The following MACF1 variants were observed in gnomAD, a reference collection of about 807,000 sequenced individuals.
The protein encoded by MACF1 is microtubule actin crosslinking factor 1, also known as microtubule-actin cross-linking factor 1.
Under a neutral mutation model 854.8 loss-of-function variants are expected in MACF1, and 193 were observed. The observed-to-expected ratio is 0.23, with a 90% CI of 0.20 to 0.25. The LOEUF (loss-of-function observed/expected upper bound fraction) is 0.25. Among genes scored for constraint, MACF1 ranks in the 10% least tolerant of loss-of-function variants. MACF1 has a pLI of 1.00. For missense variants in MACF1, 7,722 were observed against 8,929.1 expected, an observed-to-expected ratio of 0.86 and a Z score of 5.45; for synonymous variants, 3,185 against 3,226.7, an observed-to-expected ratio of 0.99 and a Z score of 0.44.
intron 2 of MACF1, among the ~76,000 whole-genome samples, chr1:39,178,881 A>G (rs544565693): frequency 2.0e-5 from 3 of 152,310 alleles, no homozygotes; most frequent in East Asian, 1.9e-4. Context: ...ATGCGTATTG[A>G]AAGTTTCTTT....
At position 39,295,852 on chromosome 1, in the gene MACF1, G is replaced by A. The variant is rs2148405837; in HGVS notation, c.2325G>A (p.Gln775=). 2 of 1,614,098 alleles carry A rather than the reference G, an allele frequency of 1.2e-6. No homozygotes were observed. The highest frequency in any genetic ancestry group is 1.7e-6 in the Non-Finnish European group (2 of 1,179,990). Residue 775 remains glutamine (Q), a synonymous_variant, in exon 20 of 101, where the codon CAG becomes CAA. Transcript: ENST00000564288. ...AGCAGCTGTGCCTGTGTGTTGAGCA[G>A]CATGTGAAAGAGAATACTGCTTATT... is the stretch of plus-strand genomic sequence containing the variant. ...WMKQLCLCVE[Q]HVKENTAYFQ...
chr1:39,192,955 CA>C (rs1488639015), intron 2 of MACF1, among the ~76,000 whole-genome samples: 1 of 151,922 alleles, frequency 6.6e-6, no homozygotes, highest in African/African-American at 2.4e-5. Context: ...ACCAAAAATA[CA>C]AAAAAATTAG....
Position 39,460,814 on chromosome 1 carries a change from C to T in MACF1, c.21523+20C>T. 6.2e-7 allele frequency: 1 copy of T among 1,613,222 alleles called. No homozygotes were observed. Among genetic ancestry groups the T allele is most frequent in the Non-Finnish European group, 8.5e-7 (1 of 1,179,272 alleles). On this transcript the variant is annotated intron_variant, in intron 92 of 100. Coordinates refer to ENST00000564288, the MANE Select transcript of MACF1 (RefSeq NM_001394062.1). The surrounding 1 kb of genome is among the most constrained non-coding windows in gnomAD (Gnocchi z 4.1). ...CATCCAGTGAGTCTAGTCATCATTC[C>T]AAACATGGGTCACACCTGGATTCCT...
intron 17 of MACF1, 67 bp from the exon 18 acceptor site, chr1:39,293,391 T>A: frequency 7.5e-7 from 1 of 1,325,332 alleles, no homozygotes; most frequent in Admixed American, 2.3e-5. Flanking sequence ...TCCTTTGATG[T>A]CAAATGTGCT....
At chr1:39,180,332 T>C (rs146612227) in intron 2 of MACF1, among the ~76,000 whole-genome samples, 1 of 152,084 alleles carries the variant, frequency 6.6e-6, no homozygotes, top group East Asian at 1.9e-4. Context: ...AAAGGAGATA[T>C]AGGCCAGGCA....
chr1:39,154,691 T>C (rs1204762156), intron 2 of MACF1, among the ~76,000 whole-genome samples: 2 of 152,034 alleles, frequency 1.3e-5, no homozygotes, highest in East Asian at 3.9e-4. Context: ...ACCTGACTCA[T>C]CTGGGCTCTG....
rs1248398001 is a variant in MACF1 at position 39,442,160 on chromosome 1, A to G, written c.18788A>G (p.Glu6263Gly). 6.3e-7 allele frequency: 1 copy of G among 1,591,602 alleles called. No homozygotes were observed. Among genetic ancestry groups the G allele is most frequent in the East Asian group, 2.2e-5 (1 of 44,736 alleles). ...QLNEMKEFKVEVYQQQIEMEK... is the reference protein window; with the variant it reads ...QLNEMKEFKVGVYQQQIEMEK... ...TGTCTTTGACAGGAGTTCAAAGTAG[A>G]AGTTTACCAACAGCAAATTGAGATG... Residue 6263 changes from glutamate (E) to glycine (G), a missense_variant, in exon 76 of 101, where the codon GAA becomes GGA. Physicochemically the swap from Glu to Gly is moderately conservative, Grantham distance 98 (BLOSUM62 -2). Around this residue, in one of 15 missense-constraint regions of MACF1, gnomAD observed 2,807 missense variants for 3,235.8 expected, o/e 0.87. Transcript: ENST00000564288.
chr1:39,457,446 C>G (rs1037847037), intron 89 of MACF1: 1 of 152,490 alleles, frequency 6.6e-6, no homozygotes, highest in Non-Finnish European at 1.5e-5. Context: ...CTAGCCACTC[C>G]CCATCCCACA....
In MACF1 at chr1:39,440,111, C is replaced by CTT. The variant is rs774399403; in HGVS notation, c.18447+628_18447+629dup. Among the ~76,000 whole-genome samples, 451 of 64,486 alleles carry CTT rather than the reference C, an allele frequency of 7.0e-3. 17 individuals carry two copies. Among genetic ancestry groups the CTT allele is most frequent in the Non-Finnish European group, 0.011 (370 of 32,416 alleles). The allele number at this position is 64,486 out of a possible 152,430, so 42.3% of individuals were successfully genotyped here. A position where few individuals can be genotyped will look rare whatever the true frequency, so the allele number is the denominator to read the frequency against. On this transcript the variant is annotated intron_variant, in intron 72 of 100. Transcript: ENST00000564288. The stretch of plus-strand genomic sequence containing the variant: ...CTTTTCTTTTCTTTTCTTTTCTTTT[C>CTT]TTTTTTTTTTTTTTTTTTGGAGACA...
rs915269809 is a variant in MACF1, at chr1:39,430,045, C to A, written c.17107C>A (p.Pro5703Thr). ...ACAGTCTCCCACAGGGGAACAGATA[C>A]CCCAGTTTCAGCAGAGACAGAAGGT... ...GGQSPTGEQI[P>T]QFQQRQKELK... Residue 5703 changes from proline to threonine, a missense_variant, in exon 65 of 101, where the codon CCC (proline) becomes ACC (threonine). Around this residue, in one of 15 missense-constraint regions of MACF1, gnomAD observed 2,807 missense variants for 3,235.8 expected, o/e 0.87. Coordinates refer to ENST00000564288, the MANE Select transcript of MACF1 (RefSeq NM_001394062.1). The A allele has an allele frequency of 6.2e-7, 1 of 1,613,666 alleles. No homozygotes were observed. Among genetic ancestry groups the A allele is most frequent in the African/African-American group, 1.3e-5 (1 of 74,878 alleles).
At chr1:39,400,179 T>C (rs892526918) in intron 58 of MACF1, among the ~76,000 whole-genome samples, 10 of 152,198 alleles carry the variant, frequency 6.6e-5, no homozygotes, top group African/African-American at 2.4e-4. Context: ...AGTTGACAGT[T>C]TGGTGTAGTG....
At chr1:39,128,217 A>T (rs923499593) in intron 2 of MACF1, among the ~76,000 whole-genome samples, 2 of 147,154 alleles carry the variant, frequency 1.4e-5, no homozygotes, top group Non-Finnish European at 3.0e-5. Context: ...TTTATTTTTT[A>T]TTTTTTTTTT....
At chr1:39,302,281 A>G (rs1646064337) in intron 22 of MACF1, among the ~76,000 whole-genome samples, 1 of 152,218 alleles carries the variant, frequency 6.6e-6, no homozygotes. Context: ...TATAGGTGTG[A>G]GCTGCTGTGC....
chr1:39,172,148 C>T (rs975675693), intron 2 of MACF1, among the ~76,000 whole-genome samples: 2 of 152,120 alleles, frequency 1.3e-5, no homozygotes, highest in Non-Finnish European at 2.9e-5. Flanking sequence ...TGTTATCCAG[C>T]TCTGTGGGAG....
In MACF1 at chr1:39,388,443, G is replaced by C. The variant is rs1375837076; in HGVS notation, c.15601G>C (p.Glu5201Gln). The change falls in exon 58 of 101, where the codon GAG becomes CAG. Residue 5201 changes from glutamate to glutamine, a missense_variant. Glu to Gln is a conservative substitution (Grantham distance 29). Around this residue, in one of 15 missense-constraint regions of MACF1, gnomAD observed 2,807 missense variants for 3,235.8 expected, o/e 0.87. Transcript: ENST00000564288. ...GTLDLLGLKR[E>Q]LEALNKQCGK... ...TCTGGATTTGTTAGGTCTCAAAAGG[G>C]AGCTAGAAGCCCTGAACAAACAGTG... 1 of 1,614,098 alleles carries C rather than the reference G, an allele frequency of 6.2e-7. No homozygotes were observed. The highest frequency in any genetic ancestry group is 1.1e-5 in the South Asian group (1 of 91,082).
intron 1 of MACF1, among the ~76,000 whole-genome samples, chr1:39,214,298 G>A (rs538399744): frequency 2.6e-5 from 4 of 152,210 alleles, no homozygotes; most frequent in African/African-American, 4.8e-5. Context: ...GAACTGTGAA[G>A]AACCAATAGA....
chr1:39,219,550 A>G (rs1048380350), intron 1 of MACF1, among the ~76,000 whole-genome samples: 2 of 152,218 alleles, frequency 1.3e-5, no homozygotes, highest in African/African-American at 4.8e-5. Flanking sequence ...GAGGATAGCA[A>G]TCATTTATAA....
rs535763850 is a variant in MACF1 at position 39,328,842 on chromosome 1, A to G, written c.4614+1489A>G. ...TTTCCCAGCTGAGTATTTCCTGCCT[A>G]TCCTTCAATTATATGAGGGTGTTGG... On this transcript the variant is annotated intron_variant, in intron 36 of 100. Coordinates refer to ENST00000564288, the MANE Select transcript of MACF1 (RefSeq NM_001394062.1). The G allele has an allele frequency of 3.9e-5, 6 of 152,288 alleles. No homozygotes were observed. In the East Asian group the frequency reaches 1.2e-3, roughly 29 times the overall value. 9.4% of individuals were successfully genotyped at this position (152,288 alleles called of 1,614,324 possible). A position where few individuals can be genotyped will look rare whatever the true frequency, so the allele number is the denominator to read the frequency against.
intron 52 of MACF1, among the ~76,000 whole-genome samples, chr1:39,377,210 C>T (rs965889191): frequency 2.6e-5 from 4 of 151,820 alleles, no homozygotes; most frequent in Non-Finnish European, 4.4e-5. Context: ...GGGGTTTCAC[C>T]GTATTGCCCA....
Sources: allele counts gnomAD v4.1 joint callset (sites outside exome capture counted in the v4.1 genomes callset), GRCh38; gene constraint gnomAD v4.1.1; regional missense constraint gnomAD v4.1.1; non-coding constraint Gnocchi (gnomAD v3.1); transcripts MANE v1.5; gene names NCBI Gene and HGNC (gene_info 2026-07-23, HGNC 2026-07-21).